The following PHTF2 variants were observed in gnomAD, a reference collection of about 807,000 sequenced individuals.
PHTF2 encodes protein PHTF2.
Under a neutral mutation model 101.2 loss-of-function variants are expected in PHTF2, and 60 were observed. That is an observed-to-expected ratio of 0.59 (90% CI 0.48 to 0.73). PHTF2 has a LOEUF of 0.73. Among genes scored for constraint, PHTF2 ranks in the 30% least tolerant of loss-of-function variants. The pLI is 0.00. For synonymous variants in PHTF2, 311 were observed against 307.3 expected (o/e 1.01, Z -0.13); for missense variants, 747 against 908.7 (o/e 0.82, Z 2.29).
intron 1 of PHTF2, among the ~76,000 whole-genome samples, chr7:77,799,789 G>A (rs557656013): frequency 2.0e-5 from 3 of 152,236 alleles, no homozygotes; most frequent in South Asian, 4.1e-4. Context: ...ACTAACCTGG[G>A]CAGTGCAGAA....
At chr7:77,823,050 G>A (rs1442120176) in intron 1 of PHTF2, among the ~76,000 whole-genome samples, 1 of 145,202 alleles carries the variant, frequency 6.9e-6, no homozygotes, top group African/African-American at 2.6e-5. Flanking sequence ...GACTACAGGC[G>A]CCCGCTACCA....
intron 1 of PHTF2, among the ~76,000 whole-genome samples, chr7:77,809,145 C>G (rs1024028973): frequency 9.2e-5 from 14 of 151,428 alleles, no homozygotes; most frequent in African/African-American, 3.4e-4. Context: ...TCATTGTTCC[C>G]TTGAAAGAAA....
chr7:77,895,295 T>G (rs1437325661), intron 5 of PHTF2: 1 of 334,136 alleles, frequency 3.0e-6, no homozygotes, highest in African/African-American at 2.2e-5. Context: ...ATAAAAGGAC[T>G]GAGAACAGAG....
At chr7:77,823,958 G>C (rs1279604111) in intron 1 of PHTF2, among the ~76,000 whole-genome samples, 1 of 152,196 alleles carries the variant, frequency 6.6e-6, no homozygotes, top group African/African-American at 2.4e-5. Context: ...GATAAGTAGT[G>C]AAAGTAAAGC....
chr7:77,947,223 C>G (rs1215079880), intron 16 of PHTF2, among the ~76,000 whole-genome samples: 1 of 152,012 alleles, frequency 6.6e-6, no homozygotes, highest in Non-Finnish European at 1.5e-5. Context: ...TATGTAGGAC[C>G]TTATGGAGAA....
chr7:77,857,635 C>T (rs534630542), intron 3 of PHTF2, among the ~76,000 whole-genome samples: 4 of 152,224 alleles, frequency 2.6e-5, no homozygotes, highest in South Asian at 4.1e-4. Context: ...AAAAACCTTC[C>T]GTCACAACCA....
At chr7:77,943,214 G>T (rs549079054) in intron 16 of PHTF2, among the ~76,000 whole-genome samples, 2 of 152,096 alleles carry the variant, frequency 1.3e-5, no homozygotes, top group South Asian at 4.1e-4. Flanking sequence ...TCCGCCTCCC[G>T]GGTTCACGCC....
intron 16 of PHTF2, among the ~76,000 whole-genome samples, chr7:77,945,517 A>G (rs1805975905): frequency 6.7e-6 from 1 of 148,740 alleles, no homozygotes; most frequent in Admixed American, 6.8e-5. Flanking sequence ...TATACAGACC[A>G]CAATATCTGG....
intron 1 of PHTF2, among the ~76,000 whole-genome samples, chr7:77,813,177 A>G (rs924748946): frequency 3.9e-5 from 6 of 152,192 alleles, no homozygotes; most frequent in African/African-American, 1.2e-4. Context: ...AAGATATTAG[A>G]TGTGATCACC....
Position 77,942,535 on chromosome 7 carries a change from CTA to C in PHTF2, c.1873-163_1873-162del, listed in dbSNP as rs1372401972. ...TGCAATTCCTCAGGAAATCATAACACTATCATTAAAATTTGCCTAACAAATTA... is the reference window on the plus strand; with the variant it reads ...TGCAATTCCTCAGGAAATCATAACACTCATTAAAATTTGCCTAACAAATTA... On this transcript the variant is annotated intron_variant, in intron 15 of 19. Transcript: ENST00000416283. 2.0e-5 allele frequency among the ~76,000 whole-genome samples: 3 copies of C among 152,166 alleles called. No individual in the cohort carries two copies. The East Asian group carries it at 5.8e-4, about 29-fold the overall frequency.
At chr7:77,799,490 C>T (rs529339649) in intron 1 of PHTF2, among the ~76,000 whole-genome samples, 1 of 152,218 alleles carries the variant, frequency 6.6e-6, no homozygotes, top group African/African-American at 2.4e-5. Flanking sequence ...TGCCCTGCCC[C>T]CTCTGAGCAG....
intron 1 of PHTF2, among the ~76,000 whole-genome samples, chr7:77,816,568 G>A (rs745621633): frequency 6.6e-5 from 10 of 152,086 alleles, no homozygotes; most frequent in South Asian, 4.1e-4. Flanking sequence ...AGTAATTGAC[G>A]TATACATTAT....
At chr7:77,884,657 T>A (rs1405811487) in intron 3 of PHTF2, among the ~76,000 whole-genome samples, 1 of 152,156 alleles carries the variant, frequency 6.6e-6, no homozygotes, top group Admixed American at 6.6e-5. Context: ...AGCACTCTGG[T>A]AGGCCGAGGC....
intron 10 of PHTF2, 45 bp downstream of exon 9, chr7:77,920,510 A>G (rs1803354214): frequency 1.4e-6 from 2 of 1,435,696 alleles, no homozygotes; most frequent in Non-Finnish European, 2.0e-6. Flanking sequence ...ATTTTATATT[A>G]GCCAATGTAA....
exon 20 of PHTF2, chr7:77,955,359 A>G (rs1197135349): frequency 1.3e-5 from 2 of 152,884 alleles, no homozygotes; most frequent in East Asian, 3.9e-4. Context: ...TTTTGGAACA[A>G]TGCCAGGATC....
chr7:77,838,093 T>C (rs1463504173), intron 1 of PHTF2, among the ~76,000 whole-genome samples: 1 of 152,202 alleles, frequency 6.6e-6, no homozygotes, highest in Non-Finnish European at 1.5e-5. Flanking sequence ...CTGGAAAGCA[T>C]TCACAGTTGT....
chr7:77,935,047 T>A lies in PHTF2; in HGVS notation c.1339-2663T>A, dbSNP rs140722337. 2.7e-3 allele frequency among the ~76,000 whole-genome samples: 402 copies of A among 151,696 alleles called. 1 individual carries two copies. The highest frequency in any genetic ancestry group is 0.025 in the East Asian group (131 of 5,156). On this transcript the variant is annotated intron_variant, in intron 12 of 19. Coordinates refer to ENST00000416283, the Ensembl canonical transcript of PHTF2. ...GCTCTGATGTTTTCCCTGAACCTTT[T>A]AAAAAAAATTTCATGTGATGCTGTT...
chr7:77,804,051 G>C (rs755721422), intron 1 of PHTF2, among the ~76,000 whole-genome samples: 2 of 152,148 alleles, frequency 1.3e-5, no homozygotes, highest in Non-Finnish European at 1.5e-5. Context: ...CAAATCTCTT[G>C]ACTACTTTCT....
At chr7:77,803,899 T>C (rs1792765836) in intron 1 of PHTF2, among the ~76,000 whole-genome samples, 1 of 152,254 alleles carries the variant, frequency 6.6e-6, no homozygotes, top group African/African-American at 2.4e-5. Context: ...TCAACTTTTT[T>C]CTGAAGAAAG....
Sources: gnomAD v4.1 joint callset for allele counts (sites outside exome capture counted in the v4.1 genomes callset) on GRCh38, gnomAD v4.1.1 for gene constraint, MANE v1.5 for transcripts, NCBI Gene and HGNC (gene_info 2026-07-23, HGNC 2026-07-21) for gene names.